The following TRHDE variants were observed in gnomAD, a reference collection of about 807,000 sequenced individuals.
The protein encoded by TRHDE is thyrotropin-releasing hormone-degrading ectoenzyme.
A neutral mutation model predicts 125.7 loss-of-function variants in TRHDE; 72 were observed. That is an observed-to-expected ratio of 0.57 (90% CI 0.47 to 0.70). The LOEUF (loss-of-function observed/expected upper bound fraction) is 0.70. TRHDE is among the 30% of genes least tolerant of loss of function. TRHDE has a pLI of 0.00. For missense variants in TRHDE, 1,110 were observed against 1,327.1 expected (o/e 0.84, Z 2.54); for synonymous variants, 509 against 509.1 (o/e 1.00, Z 0.00).
intron 2 of TRHDE, among the ~76,000 whole-genome samples, chr12:72,295,596 C>A (rs1880266546): frequency 1.3e-5 from 2 of 152,080 alleles, no homozygotes; most frequent in Non-Finnish European, 2.9e-5. Context: ...TATATGTATA[C>A]CCACATCCAG....
chr12:72,187,310 AACACACACACACACAC>A lies in TRHDE; in HGVS notation n.279+81595_279+81610del, dbSNP rs59164233. ...GTACTAGGGTTCTTCAGAGAAACAC[AACACACACACACACAC>A]ACACACACACACACACACACACACA... is the stretch of plus-strand genomic sequence containing the variant. On this transcript the variant is annotated intron_variant and non_coding_transcript_variant, in intron 2 of 4. Coordinates refer to the TRHDE transcript ENST00000548156. Among the ~76,000 whole-genome samples, 394 of 131,330 alleles carry A rather than the reference AACACACACACACACAC, an allele frequency of 3.0e-3. 5 individuals are homozygous for A. The East Asian group carries it at 0.049, about 16-fold the overall frequency. The allele number at this position is 131,330 out of a possible 152,430, so 86.2% of individuals were successfully genotyped here. A position where few individuals can be genotyped will look rare whatever the true frequency, so the allele number is the denominator to read the frequency against.
At chr12:72,317,551 CA>C (rs1420408642) in intron 2 of TRHDE, among the ~76,000 whole-genome samples, 1 of 152,122 alleles carries the variant, frequency 6.6e-6, no homozygotes, top group African/African-American at 2.4e-5. Flanking sequence ...CAAACAAGAC[CA>C]AACTGGCTCC....
In TRHDE at chr12:72,144,374, T is replaced by TTG. The variant is rs553480067; in HGVS notation, n.279+38625_279+38626dup. ...TTAGCTTCTACTAATTGCTAGCTGATTGTGCTATTGTTTTTGACAATGTCC... is the reference window on the plus strand; with the variant it reads ...TTAGCTTCTACTAATTGCTAGCTGATTGTGTGCTATTGTTTTTGACAATGTCC... On this transcript the variant is annotated intron_variant and non_coding_transcript_variant, in intron 2 of 4. Coordinates refer to the TRHDE transcript ENST00000548156. 6.0e-4 allele frequency among the ~76,000 whole-genome samples: 91 copies of TTG among 152,364 alleles called. 1 individual carries two copies. In the East Asian group the frequency reaches 0.016, roughly 27 times the overall value.
At chr12:72,330,287 A>AC in intron 2 of TRHDE, among the ~76,000 whole-genome samples, 1 of 148,694 alleles carries the variant, frequency 6.7e-6, no homozygotes, top group East Asian at 2.0e-4. Context: ...CCACCTCCCT[A>AC]CCCCCCACCT....
intron 2 of TRHDE, among the ~76,000 whole-genome samples, chr12:72,309,328 A>C (rs1036995106): frequency 3.9e-5 from 6 of 151,996 alleles, no homozygotes; most frequent in African/African-American, 1.5e-4. Context: ...AGTCAGACAC[A>C]ATTAAGGGAA....
intron 12 of TRHDE, chr12:72,582,319 T>A: frequency 1.0e-6 from 1 of 985,088 alleles, no homozygotes; most frequent in Non-Finnish European, 1.2e-6. Flanking sequence ...TATGAGAACA[T>A]TTCAAAAACT....
chr12:72,184,350 G>A (rs1009792745), intron 2 of TRHDE, among the ~76,000 whole-genome samples: 1 of 152,024 alleles, frequency 6.6e-6, no homozygotes, highest in African/African-American at 2.4e-5. Flanking sequence ...TGAGCAAGAT[G>A]ATTACAGAGA....
At chr12:72,392,427 G>A (rs1010254537) in intron 3 of TRHDE, among the ~76,000 whole-genome samples, 7 of 152,122 alleles carry the variant, frequency 4.6e-5, no homozygotes, top group Non-Finnish European at 8.8e-5. Context: ...CTTTTACTCT[G>A]TGTCATCCCT....
chr12:72,575,612 T>G (rs1418086857), intron 12 of TRHDE, 70 bp downstream of exon 12: 1 of 1,331,196 alleles, frequency 7.5e-7, no homozygotes. Context: ...AACTGCATAA[T>G]ATGTATATGT....
chr12:72,632,507 C>T (rs1220951175), intron 15 of TRHDE, among the ~76,000 whole-genome samples: 3 of 151,764 alleles, frequency 2.0e-5, no homozygotes, highest in Non-Finnish European at 4.4e-5. Context: ...AATTGTATAC[C>T]TCTTAAGTAT....
rs114566209 is a variant in TRHDE at position 72,319,557 on chromosome 12, G to A, written c.1188+32603G>A. On this transcript the variant is annotated intron_variant, in intron 2 of 18. Coordinates refer to ENST00000261180, the MANE Select transcript of TRHDE (RefSeq NM_013381.3). ...GCTTTTCTAGATACTTTCTTAGGTG[G>A]TAACTTTATCTTTCTCTATCTTTCT... Among the ~76,000 whole-genome samples, 1,515 of 152,210 alleles carry A rather than the reference G, an allele frequency of 1.0e-2. 25 individuals carry two copies. The highest frequency in any genetic ancestry group is 0.033 in the African/African-American group (1,388 of 41,542).
At chr12:72,532,335 A>G (rs1868598504) in intron 6 of TRHDE, among the ~76,000 whole-genome samples, 1 of 151,554 alleles carries the variant, frequency 6.6e-6, no homozygotes, top group Non-Finnish European at 1.5e-5. Context: ...TTGATTTTAT[A>G]TATTGCTTCT....
intron 6 of TRHDE, among the ~76,000 whole-genome samples, chr12:72,500,538 T>C (rs949882846): frequency 6.6e-6 from 1 of 152,040 alleles, no homozygotes; most frequent in African/African-American, 2.4e-5. Context: ...ACTGCAGGCA[T>C]GTTCCACTAT....
chr12:72,226,677 A>G (rs1325643915), intron 2 of TRHDE, among the ~76,000 whole-genome samples: 1 of 152,200 alleles, frequency 6.6e-6, no homozygotes, highest in Non-Finnish European at 1.5e-5. Flanking sequence ...CACTAAAGTG[A>G]TAAATAGAAT....
chr12:72,148,606 G>A (rs1206381300), intron 2 of TRHDE, among the ~76,000 whole-genome samples: 2 of 152,100 alleles, frequency 1.3e-5, no homozygotes, highest in African/African-American at 2.4e-5. Context: ...CATATTCATA[G>A]CCTCTGATCC....
intron 2 of TRHDE, among the ~76,000 whole-genome samples, chr12:72,351,570 C>T (rs1056554073): frequency 6.6e-6 from 1 of 151,874 alleles, no homozygotes; most frequent in African/African-American, 2.4e-5. Flanking sequence ...GTTGATTTTG[C>T]CTCTTCAGTA....
chr12:72,245,358 T>C (rs1341919630), intron 2 of TRHDE, among the ~76,000 whole-genome samples: 1 of 151,720 alleles, frequency 6.6e-6, no homozygotes, highest in Non-Finnish European at 1.5e-5. Context: ...GCTGGAGAGA[T>C]GGAGGCTCTC....
chr12:72,656,636 C>G (rs1250754238), intron 17 of TRHDE, among the ~76,000 whole-genome samples: 1 of 152,056 alleles, frequency 6.6e-6, no homozygotes, highest in African/African-American at 2.4e-5. Flanking sequence ...TGGAAATATA[C>G]TGTTAATCCC....
intron 6 of TRHDE, among the ~76,000 whole-genome samples, chr12:72,532,758 C>G (rs1160813268): frequency 1.3e-5 from 2 of 150,034 alleles, no homozygotes; most frequent in African/African-American, 2.4e-5. Context: ...TTTTCTCTCT[C>G]TTCATAGAAT....
Sources: allele counts gnomAD v4.1 joint callset (sites outside exome capture counted in the v4.1 genomes callset), GRCh38; gene constraint gnomAD v4.1.1; transcripts MANE v1.5; gene names NCBI Gene and HGNC (gene_info 2026-07-23, HGNC 2026-07-21).